The following FLI1 variants were observed in gnomAD, a reference collection of about 807,000 sequenced individuals.
FLI1 encodes Friend leukemia integration 1 transcription factor.
A neutral mutation model predicts 53.1 loss-of-function variants in FLI1; 13 were observed. The observed-to-expected ratio is 0.24, with a 90% CI of 0.16 to 0.39. FLI1 has a LOEUF of 0.39. Ranked by LOEUF, FLI1 falls within the 10% of genes least tolerant of loss-of-function variation. The pLI is 1.00. For synonymous variants in FLI1, 244 were observed against 236.7 expected (o/e 1.03, Z -0.28); for missense variants, 424 against 600.5 (o/e 0.71, Z 3.07).
chr11:128,696,472 C>T (rs1442272348), intron 1 of FLI1, among the ~76,000 whole-genome samples: 3 of 152,192 alleles, frequency 2.0e-5, no homozygotes, highest in Non-Finnish European at 4.4e-5. Flanking sequence ...CATTCTTCTG[C>T]TCTCTTGGTG....
chr11:128,779,712 A>G (rs1190146143), intron 4 of FLI1, among the ~76,000 whole-genome samples: 1 of 152,232 alleles, frequency 6.6e-6, no homozygotes, highest in African/African-American at 2.4e-5. Context: ...AAATCAGTGG[A>G]GGGCACAAAG....
chr11:128,700,245 T>C (rs1938267436), intron 1 of FLI1, among the ~76,000 whole-genome samples: 1 of 152,204 alleles, frequency 6.6e-6, no homozygotes, highest in African/African-American at 2.4e-5. Context: ...GATAATACCA[T>C]GATGTCTCTA....
chr11:128,696,638 T>C (rs1246878913), intron 1 of FLI1, among the ~76,000 whole-genome samples: 1 of 152,208 alleles, frequency 6.6e-6, no homozygotes, highest in Non-Finnish European at 1.5e-5. Context: ...GTATGTGCAC[T>C]AAATCCAGCC....
chr11:128,695,140 C>T (rs550597321), intron 1 of FLI1, among the ~76,000 whole-genome samples: 1 of 152,320 alleles, frequency 6.6e-6, no homozygotes, highest in East Asian at 1.9e-4. Context: ...GCCCCGCGCC[C>T]GCCCGGCCAT....
rs1260626850 is a variant in FLI1, at chr11:128,812,053, C to T, written c.*1065C>T. On this transcript the variant is annotated 3_prime_UTR_variant, in exon 9 of 9. Coordinates refer to ENST00000527786, the MANE Select transcript of FLI1 (RefSeq NM_002017.5). ...CTGGTTTTTAAAAAGCATAATATGC[C>T]TATAGCTGAAAAGGAAACAGGGCTG... The T allele has an allele frequency of 4.9e-6, 1 of 205,262 alleles. No individual in the cohort carries two copies. The highest frequency in any genetic ancestry group is 9.9e-6 in the Non-Finnish European group (1 of 100,552). The allele number at this position is 205,262 out of a possible 1,614,324, so 12.7% of individuals were successfully genotyped here.
At chr11:128,785,941 G>C (rs1452631659) in intron 5 of FLI1, among the ~76,000 whole-genome samples, 1 of 152,218 alleles carries the variant, frequency 6.6e-6, no homozygotes, top group African/African-American at 2.4e-5. Flanking sequence ...ATAGCATTGT[G>C]AATGTACTTA....
chr11:128,787,170 A>C (rs1942113580), intron 5 of FLI1, among the ~76,000 whole-genome samples: 1 of 152,182 alleles, frequency 6.6e-6, no homozygotes, highest in African/African-American at 2.4e-5. Flanking sequence ...AGGTGGCAGG[A>C]GCCATGCACA....
At position 128,812,626 on chromosome 11, in the gene FLI1, A is replaced by G. The variant is rs1215491696; in HGVS notation, c.*1638A>G. ...TGTTATTTAAATCTTCCTCCAGCCT[A>G]AAAGGGTTTTATAAAACAGCAGCTA... On this transcript the variant is annotated 3_prime_UTR_variant, in exon 9 of 9. Transcript: ENST00000527786. The G allele has an allele frequency of 9.0e-6, 2 of 222,812 alleles. No individual in the cohort carries two copies. Among genetic ancestry groups the G allele is most frequent in the Admixed American group, 5.8e-5 (1 of 17,390 alleles). 13.8% of individuals were successfully genotyped at this position (222,812 alleles called of 1,614,324 possible). A position where few individuals can be genotyped will look rare whatever the true frequency, so the allele number is the denominator to read the frequency against.
intron 1 of FLI1, among the ~76,000 whole-genome samples, chr11:128,747,847 C>A (rs576767230): frequency 2.9e-4 from 44 of 152,160 alleles, no homozygotes; most frequent in Admixed American, 1.4e-3. Context: ...ATGTTCTCTT[C>A]GTGGGGTTCA....
chr11:128,762,245 C>T (rs564739458), intron 2 of FLI1, among the ~76,000 whole-genome samples: 2 of 152,294 alleles, frequency 1.3e-5, no homozygotes, highest in South Asian at 4.1e-4. Flanking sequence ...TCGTTACTTG[C>T]ACATGATTTG....
At chr11:128,742,543 T>C (rs1940184532) in intron 1 of FLI1, among the ~76,000 whole-genome samples, 6 of 152,260 alleles carry the variant, frequency 3.9e-5, no homozygotes, top group Admixed American at 3.9e-4. Context: ...TCATAACATG[T>C]GGCTTTTTAA....
chr11:128,707,391 C>T (rs952253790), intron 1 of FLI1, among the ~76,000 whole-genome samples: 1 of 152,158 alleles, frequency 6.6e-6, no homozygotes, highest in Non-Finnish European at 1.5e-5. Context: ...ATAGGACTTC[C>T]CTAGAGGTGA....
chr11:128,740,091 A>ATC (rs1474823801), intron 1 of FLI1, among the ~76,000 whole-genome samples: 1 of 152,178 alleles, frequency 6.6e-6, no homozygotes, highest in African/African-American at 2.4e-5. Context: ...TCTCTGCCCC[A>ATC]TAAGCGCAGA....
At chr11:128,767,166 T>C (rs1463249698) in intron 2 of FLI1, among the ~76,000 whole-genome samples, 1 of 152,198 alleles carries the variant, frequency 6.6e-6, no homozygotes, top group Non-Finnish European at 1.5e-5. Context: ...CCATCACCAG[T>C]GCTGCAAAAT....
chr11:128,752,457 G>T (rs896695043), intron 1 of FLI1, among the ~76,000 whole-genome samples: 2 of 152,248 alleles, frequency 1.3e-5, no homozygotes, highest in African/African-American at 4.8e-5. Flanking sequence ...AGCAGCAGAT[G>T]AAGCTTGGAT....
chr11:128,689,594 A>C (rs1242067998), upstream of FLI1, among the ~76,000 whole-genome samples: 2 of 152,158 alleles, frequency 1.3e-5, no homozygotes, highest in African/African-American at 4.8e-5. Flanking sequence ...GAGTTTCAAG[A>C]CCACGGATCT....
At chr11:128,799,574 C>A (rs947760034) in intron 5 of FLI1, among the ~76,000 whole-genome samples, 1 of 152,150 alleles carries the variant, frequency 6.6e-6, no homozygotes, top group African/African-American at 2.4e-5. Context: ...ATTTGAATCC[C>A]GGGTTAACTG....
At chr11:128,751,281 C>T (rs1012116797) in intron 1 of FLI1, among the ~76,000 whole-genome samples, 3 of 152,272 alleles carry the variant, frequency 2.0e-5, no homozygotes, top group African/African-American at 7.2e-5. Flanking sequence ...TTTATCTGAA[C>T]TCCCTCTTGA....
At chr11:128,799,366 G>A (rs576585373) in intron 5 of FLI1, among the ~76,000 whole-genome samples, 1 of 152,220 alleles carries the variant, frequency 6.6e-6, no homozygotes, top group Non-Finnish European at 1.5e-5. Context: ...GCATGGTAGA[G>A]GGGCAAGCAG....
Sources: gnomAD v4.1 joint callset for allele counts (sites outside exome capture counted in the v4.1 genomes callset) on GRCh38, gnomAD v4.1.1 for gene constraint, MANE v1.5 for transcripts, NCBI Gene and HGNC (gene_info 2026-07-23, HGNC 2026-07-21) for gene names.